The following INPP5J variants were observed in gnomAD, a reference collection of about 807,000 sequenced individuals.
INPP5J encodes inositol polyphosphate-5-phosphatase J, also known as phosphatidylinositol 4,5-bisphosphate 5-phosphatase A.
INPP5J carries 75 observed loss-of-function variants against 86.6 expected under a neutral mutation model. That is an observed-to-expected ratio of 0.87 (90% CI 0.72 to 1.05). The LOEUF is 1.05. INPP5J is among the 50% of genes least tolerant of loss of function. The pLI, the probability that INPP5J is intolerant of heterozygous loss-of-function variation, is 0.00. For missense variants in INPP5J, 1,229 were observed against 1,341.2 expected (o/e 0.92, Z 1.31); for synonymous variants, 540 against 550.0 (o/e 0.98, Z 0.25).
Position 31,127,149 on chromosome 22 carries a change from C to A in INPP5J, c.1611+112C>A. 4 of 862,522 alleles carry A rather than the reference C, an allele frequency of 4.6e-6. No homozygotes were observed. The South Asian group carries it at 6.3e-5, about 14-fold the overall frequency. The allele number at this position is 862,522 out of a possible 1,614,324, so 53.4% of individuals were successfully genotyped here. ...TTCCCATCCTCCACCCTTTACCCTG[C>A]GGCCCAGCCCCCCCATGCACCACCC... On this transcript the variant is annotated intron_variant, in intron 5 of 12. Coordinates refer to ENST00000331075, the MANE Select transcript of INPP5J (RefSeq NM_001284285.2).
chr22:31,132,810 A>T (rs953810139), intron 9 of INPP5J, among the ~76,000 whole-genome samples: 2 of 151,932 alleles, frequency 1.3e-5, no homozygotes, highest in African/African-American at 2.4e-5. Flanking sequence ...GAGGCTGAGG[A>T]ACTCACCCAG....
Position 31,123,078 on chromosome 22 carries a change from C to A in INPP5J, c.64C>A (p.Pro22Thr). The change falls in exon 1 of 13, where the codon CCC (proline) becomes ACC (threonine). Residue 22 changes from proline to threonine, a missense_variant. Transcript: ENST00000331075. ...PGTRAGLGSLPMPQGVAQTGA... is the reference protein window; with the variant it reads ...PGTRAGLGSLTMPQGVAQTGA... ...GACCCGGGCTGGCCTGGGTTCCCTG[C>A]CCATGCCCCAGGGTGTTGCCCAAAC... 6.7e-7 allele frequency: 1 copy of A among 1,484,706 alleles called. No homozygotes were observed. Among genetic ancestry groups the A allele is most frequent in the Non-Finnish European group, 8.9e-7 (1 of 1,120,756 alleles). 92.0% of individuals were successfully genotyped at this position (1,484,706 alleles called of 1,614,324 possible).
chr22:31,126,256 CCTT>C, intron 2 of INPP5J, 117 bp from the exon 3 acceptor site: 2 of 902,626 alleles, frequency 2.2e-6, no homozygotes, highest in Non-Finnish European at 3.4e-6. Flanking sequence ...TCCTGTGGGT[CCTT>C]CTTAGGGCTT....
In INPP5J at chr22:31,126,641, A is replaced by G; in HGVS notation, c.1414A>G (p.Lys472Glu). The G allele has an allele frequency of 6.2e-7, 1 of 1,613,912 alleles. No individual in the cohort carries two copies. The highest frequency in any genetic ancestry group is 8.5e-7 in the Non-Finnish European group (1 of 1,179,826). The change falls in exon 4 of 13, where the codon AAG (lysine) becomes GAG (glutamate). Residue 472 changes from lysine (K) to glutamate (E), a missense_variant. Physicochemically the swap from Lys to Glu is moderately conservative, Grantham distance 56. Transcript: ENST00000331075. ...GCAGGAAGTGAACTCCATGCTCAAC[A>G]AGCGACTCAAGGACGCCCTCTTCAC... The part of the protein sequence containing the change: ...GLQEVNSMLN[K>E]RLKDALFTDQ...
rs1418653292 is a variant in INPP5J, at chr22:31,133,978, A to C, written c.2580A>C (p.Gly860=). The change falls in exon 13 of 13, where the codon GGA becomes GGC. Residue 860 remains glycine, a synonymous_variant. Transcript: ENST00000331075. ...ACAGCTCAGGCACCAGCTCAGAGGG[A>C]GAGGATGACAGCACACTGGAGCTCC... ...STDSSGTSSE[G]EDDSTLELLA... The C allele has an allele frequency of 1.9e-6, 3 of 1,613,182 alleles. No homozygotes were observed. In the Admixed American group the frequency reaches 5.0e-5, roughly 27 times the overall value.
chr22:31,127,570 G>C, intron 6 of INPP5J, 38 bp downstream of exon 6: 1 of 1,577,148 alleles, frequency 6.3e-7, no homozygotes, highest in South Asian at 1.2e-5. Flanking sequence ...GCTTGGGTGG[G>C]GCTAGTGATG....
At chr22:31,124,127 C>A in intron 1 of INPP5J, 2 of 267,888 alleles carry the variant, frequency 7.5e-6, no homozygotes, top group South Asian at 1.4e-4. Context: ...TAGACCCCAT[C>A]CCTTCATTTT....
At chr22:31,127,566 G>A (rs1272995269) in intron 6 of INPP5J, 34 bp downstream of exon 6, 2 of 1,586,734 alleles carry the variant, frequency 1.3e-6, no homozygotes, top group Non-Finnish European at 1.7e-6. Context: ...TAGAGCTTGG[G>A]TGGGGCTAGT....
chr22:31,131,171 C>T (rs1049332405), intron 9 of INPP5J, among the ~76,000 whole-genome samples: 1 of 152,174 alleles, frequency 6.6e-6, no homozygotes, highest in Non-Finnish European at 1.5e-5. Context: ...AAGTGTTGGG[C>T]ATGAAGATTT....
rs765983587 is a variant in INPP5J, at chr22:31,128,255, T to C, written c.1941T>C (p.Phe647=). ...ACACCTGGCCCATTCTGAAGGGCTTTCAGGAGGGGCCCCTCAACTTCGCTC... is the reference window on the plus strand; with the variant it reads ...ACACCTGGCCCATTCTGAAGGGCTTCCAGGAGGGGCCCCTCAACTTCGCTC... ...AKNTWPILKG[F]QEGPLNFAPT... Residue 647 remains phenylalanine (F), a synonymous_variant, in exon 8 of 13, where the codon TTT becomes TTC. Coordinates refer to ENST00000331075, the MANE Select transcript of INPP5J (RefSeq NM_001284285.2). 1.2e-6 allele frequency: 2 copies of C among 1,601,308 alleles called. No individual in the cohort carries two copies. Among genetic ancestry groups the C allele is most frequent in the Non-Finnish European group, 1.7e-6 (2 of 1,173,878 alleles).
rs775740844 is a variant in INPP5J at position 31,124,964 on chromosome 22, G to A, written c.225G>A (p.Pro75=). The A allele has an allele frequency of 1.2e-5, 19 of 1,605,584 alleles. No homozygotes were observed. In the Admixed American group the frequency reaches 1.7e-4, roughly 14 times the overall value. ...RAAMSASSEG[P]RLALASPRPI... ...CTATGTCAGCTTCCTCGGAAGGACCGAGGCTGGCTCTGGCATCTCCCCGAC... is the reference window on the plus strand; with the variant it reads ...CTATGTCAGCTTCCTCGGAAGGACCAAGGCTGGCTCTGGCATCTCCCCGAC... The change falls in exon 2 of 13, where the codon CCG becomes CCA. Residue 75 remains proline, a synonymous_variant. Coordinates refer to ENST00000331075, the MANE Select transcript of INPP5J (RefSeq NM_001284285.2).
intron 6 of INPP5J, 165 bp downstream of exon 6, chr22:31,127,697 G>A (rs1181376148): frequency 1.9e-5 from 15 of 795,610 alleles, no homozygotes; most frequent in Non-Finnish European, 9.9e-6. Flanking sequence ...GATGGGGAGG[G>A]GCGGAGCTTG....
rs1569285014 is a variant in INPP5J at position 31,125,775 on chromosome 22, C to T, written c.1036C>T (p.Arg346Ter). The T allele has an allele frequency of 2.0e-5, 31 of 1,556,726 alleles. No individual in the cohort carries two copies. Among genetic ancestry groups the T allele is most frequent in the East Asian group, 2.4e-5 (1 of 41,242 alleles). ...GCCCCCACCTCTGCCCAAGCCACCC[C>T]GATCACCCAGCCGTTCCCCAAGCCA... is the stretch of plus-strand genomic sequence containing the variant. ...TVPPPLPKPP[R>*]SPSRSPSHSP... Residue 346 changes from arginine to a stop codon, truncating the protein, a stop_gained, in exon 2 of 13, where the codon CGA (arginine) becomes TGA (stop). Transcript: ENST00000331075. LOFTEE classifies it high-confidence loss of function.
chr22:31,126,887 T>C, intron 4 of INPP5J, 34 bp from the exon 5 acceptor site: 1 of 1,525,956 alleles, frequency 6.6e-7, no homozygotes, highest in Non-Finnish European at 9.0e-7. Flanking sequence ...GGGAGTTGTG[T>C]TCTGTCCCCC....
intron 10 of INPP5J, 28 bp downstream of exon 10, chr22:31,133,263 T>C (rs1244224420): frequency 6.2e-7 from 1 of 1,604,916 alleles, no homozygotes; most frequent in Admixed American, 1.7e-5. Context: ...GGTCAGCGAC[T>C]CAGGGAAGAA....
Position 31,128,572 on chromosome 22 carries a change from A to T in INPP5J, c.2111A>T (p.Gln704Leu). ...SPSGRKSHRL[Q>L]VTQHSYRSHM... is the part of the protein sequence containing the mutation. ...TCAGGACGGAAGAGCCACCGACTCC[A>T]GGTGACGCAGCACAGCTACCGCAGC... The change falls in exon 9 of 13, where the codon CAG (glutamine) becomes CTG (leucine). Residue 704 changes from glutamine to leucine, a missense_variant. Transcript: ENST00000331075. 1 of 1,613,324 alleles carries T rather than the reference A, an allele frequency of 6.2e-7. No individual in the cohort carries two copies. The highest frequency in any genetic ancestry group is 8.5e-7 in the Non-Finnish European group (1 of 1,179,804).
At chr22:31,133,743 G>T in intron 12 of INPP5J, 29 bp downstream of exon 12, 1 of 1,588,050 alleles carries the variant, frequency 6.3e-7, no homozygotes, top group South Asian at 1.1e-5. Flanking sequence ...TGGGCTGGGG[G>T]TGCCTAAAGA....
At chr22:31,126,805 G>A (rs1420863222) in intron 4 of INPP5J, 84 bp downstream of exon 4, 22 of 1,440,274 alleles carry the variant, frequency 1.5e-5, no homozygotes, top group Admixed American at 3.4e-5. Context: ...TGTGGGGCCC[G>A]CTGGGCCTCT....
chr22:31,131,562 C>CAA (rs34912731), intron 9 of INPP5J, among the ~76,000 whole-genome samples: 113 of 129,556 alleles, frequency 8.7e-4, no homozygotes, highest in African/African-American at 3.1e-3. Context: ...GACTCTGTCT[C>CAA]AAAAAAAAAA....
Sources: allele counts gnomAD v4.1 joint callset (sites outside exome capture counted in the v4.1 genomes callset), GRCh38; gene constraint gnomAD v4.1.1; transcripts MANE v1.5; gene names NCBI Gene and HGNC (gene_info 2026-07-23, HGNC 2026-07-21).